VIRMA: variants seen among roughly 807,000 people sequenced by gnomAD.
VIRMA encodes protein virilizer homolog.
Under a neutral mutation model 182.4 loss-of-function variants are expected in VIRMA, and 65 were observed. The observed-to-expected ratio is 0.36, with a 90% confidence interval of 0.29 to 0.44. VIRMA has a LOEUF of 0.44. Among genes scored for constraint, VIRMA ranks in the 20% least tolerant of loss-of-function variants. The pLI, the probability that VIRMA is intolerant of heterozygous loss-of-function variation, is 1.00. For missense variants in VIRMA, 1,752 were observed against 2,158.1 expected (o/e 0.81, Z 3.73); for synonymous variants, 709 against 743.1 (o/e 0.95, Z 0.75).
chr8:94,529,210 T>C lies in VIRMA; in HGVS notation c.740A>G (p.Glu247Gly), dbSNP rs1241646485. ...EGEVEEEQQE[E>G]GEEDEDDVDV... ...CACATCATCTTCATCTTCTTCTCCT[T>C]CTTCTTGTTGTTCCTCTTCTACTTC... The change falls in exon 7 of 24, where the codon GAA (glutamate) becomes GGA (glycine). Residue 247 changes from glutamate (E) to glycine (G), a missense_variant. By Grantham distance (98) the Glu-to-Gly change is moderately conservative. Around this residue, in one of 11 missense-constraint regions of VIRMA, gnomAD observed 114 missense variants for 106.9 expected, o/e 1.07. Transcript: ENST00000297591. The C allele has an allele frequency of 2.0e-6, 3 of 1,521,760 alleles. No homozygotes were observed. The highest frequency in any genetic ancestry group is 2.7e-6 in the Non-Finnish European group (3 of 1,096,240). 94.3% of individuals were successfully genotyped at this position (1,521,760 alleles called of 1,614,324 possible).
chr8:94,521,390 C>T (rs1207058922), intron 8 of VIRMA, among the ~76,000 whole-genome samples: 6 of 152,036 alleles, frequency 3.9e-5, no homozygotes, highest in African/African-American at 1.2e-4. Context: ...TGATCTCATT[C>T]CTCAACTTTT....
intron 12 of VIRMA, 41 bp from the exon 13 acceptor site, chr8:94,511,770 A>G (rs745883106): frequency 2.2e-6 from 3 of 1,348,544 alleles, no homozygotes; most frequent in Non-Finnish European, 3.1e-6. Flanking sequence ...CTAATTACTT[A>G]TATGTTAATA....
chr8:94,548,842 A>T (rs1272240494), intron 1 of VIRMA, among the ~76,000 whole-genome samples: 1 of 152,076 alleles, frequency 6.6e-6, no homozygotes, highest in East Asian at 1.9e-4. Context: ...TATTTTTAGT[A>T]GAGACAGGGT....
At position 94,506,056 on chromosome 8, in the gene VIRMA, G is replaced by T. The variant is rs879794264; in HGVS notation, c.4097+444C>A. Among the ~76,000 whole-genome samples, 10 of 152,224 alleles carry T rather than the reference G, an allele frequency of 6.6e-5. 1 individual carries two copies. In the East Asian group the frequency reaches 1.9e-3, roughly 29 times the overall value. Reference sequence around the variant, plus strand: ...AAGTATACAAGAGAAATACTGTACCGTTTTATATAATGGACTTGAGCATCT... The same window carrying T: ...AAGTATACAAGAGAAATACTGTACCTTTTTATATAATGGACTTGAGCATCT... On this transcript the variant is annotated intron_variant, in intron 16 of 23. Transcript: ENST00000297591.
At position 94,526,899 on chromosome 8, in the gene VIRMA, T is replaced by C. The variant is rs779814918; in HGVS notation, c.1345A>G (p.Ile449Val). 4 of 1,614,232 alleles carry C rather than the reference T, an allele frequency of 2.5e-6. No individual in the cohort carries two copies. The highest frequency in any genetic ancestry group is 1.6e-4 in the Middle Eastern group (1 of 6,062). The change falls in exon 8 of 24, where the codon ATC becomes GTC. Residue 449 changes from isoleucine to valine, a missense_variant. Transcript: ENST00000297591. ...TTGAGCTGTCGAACATTTAAGGCGA[T>C]AGGTTGGCGAAGCGCTACTTGTAAA... ...LNLQVALRQP[I>V]ALNVRQLKAG...
intron 6 of VIRMA, among the ~76,000 whole-genome samples, chr8:94,530,717 G>C (rs1054018518): frequency 1.3e-5 from 2 of 152,080 alleles, no homozygotes; most frequent in African/African-American, 2.4e-5. Flanking sequence ...AGGAGTTCCA[G>C]CCTGGGCAAA....
chr8:94,503,090 G>T (rs375133300), intron 16 of VIRMA, among the ~76,000 whole-genome samples: 4 of 151,600 alleles, frequency 2.6e-5, no homozygotes, highest in East Asian at 1.9e-4. Flanking sequence ...TAAGTAAAAA[G>T]GAATGAAGGG....
At chr8:94,519,851 T>C (rs1390054396) in intron 8 of VIRMA, among the ~76,000 whole-genome samples, 2 of 152,144 alleles carry the variant, frequency 1.3e-5, no homozygotes, top group South Asian at 2.1e-4. Flanking sequence ...ATATAGTATA[T>C]ACAGTCAGCA....
intron 16 of VIRMA, among the ~76,000 whole-genome samples, chr8:94,505,522 GACTGCAGTGGCATGATC>G (rs1227210094): frequency 6.6e-6 from 1 of 151,420 alleles, no homozygotes; most frequent in African/African-American, 2.4e-5. Context: ...GCCCCGACTA[GACTGCAGTGGCATGATC>G]ACTGCAGCGG....
chr8:94,540,662 A>C (rs1228707505), intron 2 of VIRMA, among the ~76,000 whole-genome samples: 1 of 151,518 alleles, frequency 6.6e-6, no homozygotes, highest in African/African-American at 2.4e-5. Context: ...GGGTTTCACT[A>C]TGTTGGCCAG....
intron 16 of VIRMA, among the ~76,000 whole-genome samples, chr8:94,500,655 C>CTTT (rs11312961): frequency 9.3e-4 from 118 of 126,696 alleles, no homozygotes; most frequent in African/African-American, 2.8e-3. Context: ...TCGGTAGTTT[C>CTTT]TTTTTTTTTT....
intron 22 of VIRMA, among the ~76,000 whole-genome samples, chr8:94,490,698 T>C (rs1813577569): frequency 6.6e-6 from 1 of 151,848 alleles, no homozygotes; most frequent in Non-Finnish European, 1.5e-5. Flanking sequence ...AATATAAAAA[T>C]TAGCCGGGTG....
intron 2 of VIRMA, among the ~76,000 whole-genome samples, chr8:94,542,114 A>G (rs891296492): frequency 6.6e-6 from 1 of 152,176 alleles, no homozygotes; most frequent in Non-Finnish European, 1.5e-5. Context: ...CCTGGTATTC[A>G]CACCCTATGT....
At chr8:94,542,718 T>G (rs1334304019) in intron 2 of VIRMA, among the ~76,000 whole-genome samples, 2 of 152,200 alleles carry the variant, frequency 1.3e-5, no homozygotes, top group Non-Finnish European at 2.9e-5. Flanking sequence ...AAAAAAGATA[T>G]GAAGTCAATT....
chr8:94,502,642 C>T (rs1002810689), intron 16 of VIRMA, among the ~76,000 whole-genome samples: 2 of 152,220 alleles, frequency 1.3e-5, no homozygotes, highest in African/African-American at 4.8e-5. Context: ...AGCCCAGATC[C>T]TGGTTTCTAA....
intron 2 of VIRMA, among the ~76,000 whole-genome samples, chr8:94,540,024 AATT>A (rs1432801553): frequency 2.0e-5 from 3 of 152,206 alleles, no homozygotes; most frequent in Non-Finnish European, 4.4e-5. Flanking sequence ...TTTCTTTATA[AATT>A]ATCCAGTATG....
rs199793348 is a variant in VIRMA at position 94,511,959 on chromosome 8, A to T, written c.2845+37T>A. 7 of 1,196,326 alleles carry T rather than the reference A, an allele frequency of 5.9e-6. No individual in the cohort carries two copies. In the East Asian group the frequency reaches 1.9e-4, roughly 33 times the overall value. The allele number at this position is 1,196,326 out of a possible 1,614,324, so 74.1% of individuals were successfully genotyped here. ...AATAAATGATATTTATTCTAGGCTT[A>T]AGAATCGTAGTTTTTAAAATACAGT... On this transcript the variant is annotated intron_variant, in intron 12 of 23. Coordinates refer to ENST00000297591, the MANE Select transcript of VIRMA (RefSeq NM_015496.5).
chr8:94,536,423 A>G (rs549523946), intron 4 of VIRMA, among the ~76,000 whole-genome samples: 1 of 152,372 alleles, frequency 6.6e-6, no homozygotes, highest in East Asian at 1.9e-4. Flanking sequence ...CATATCAAGA[A>G]AAAAGGCATA....
In VIRMA at chr8:94,488,486, T is replaced by C. The variant is rs929556210; in HGVS notation, c.*220A>G. 1.7e-5 allele frequency: 7 copies of C among 409,644 alleles called. No homozygotes were observed. The highest frequency in any genetic ancestry group is 7.7e-5 in the Admixed American group (2 of 26,044). 25.4% of individuals were successfully genotyped at this position (409,644 alleles called of 1,614,324 possible). A position where few individuals can be genotyped will look rare whatever the true frequency, so the allele number is the denominator to read the frequency against. Reference sequence around the variant, plus strand: ...TTCACCTAGAAATTTTCTAAATAAATAGTCATACAAAAAAGGGAAAATATA... The same window carrying C: ...TTCACCTAGAAATTTTCTAAATAAACAGTCATACAAAAAAGGGAAAATATA... On this transcript the variant is annotated 3_prime_UTR_variant, in exon 24 of 24. Transcript: ENST00000297591.
Sources: gnomAD v4.1 joint callset for allele counts (sites outside exome capture counted in the v4.1 genomes callset) on GRCh38, gnomAD v4.1.1 for gene constraint, gnomAD v4.1.1 regional missense constraint, MANE v1.5 for transcripts, NCBI Gene and HGNC (gene_info 2026-07-23, HGNC 2026-07-21) for gene names.